The following TBC1D12 variants were observed in gnomAD, a reference collection of about 807,000 sequenced individuals.
TBC1D12 encodes TBC1 domain family member 12.
Under a neutral mutation model 86.7 loss-of-function variants are expected in TBC1D12, and 56 were observed. That is an observed-to-expected ratio of 0.65 (90% CI 0.52 to 0.81). TBC1D12 has a LOEUF of 0.81. TBC1D12 is among the 30% of genes least tolerant of loss of function. The probability of loss-of-function intolerance (pLI) is 0.00; values close to 1 mark genes in which losing one functional copy is unlikely to be tolerated. For synonymous variants in TBC1D12, 421 were observed against 411.7 expected (o/e 1.02, Z -0.27); for missense variants, 1,023 against 1,038.8 (o/e 0.98, Z 0.21).
At chr10:94,492,483 C>T (rs968517561) in intron 3 of TBC1D12, among the ~76,000 whole-genome samples, 16 of 152,264 alleles carry the variant, frequency 1.1e-4, no homozygotes, top group Non-Finnish European at 1.5e-4. Context: ...TTAATTTTTA[C>T]AGTAGTTTTA....
At chr10:94,483,407 T>C (rs889050974) in intron 3 of TBC1D12, among the ~76,000 whole-genome samples, 9 of 152,190 alleles carry the variant, frequency 5.9e-5, no homozygotes, top group Admixed American at 5.9e-4. Context: ...CTTTTCCCCA[T>C]GTCCTCTTCA....
rs753611606 is a variant in TBC1D12 at position 94,535,047 on chromosome 10, G to A, written c.*1951G>A. On this transcript the variant is annotated 3_prime_UTR_variant, in exon 13 of 13. Coordinates refer to ENST00000225235, the MANE Select transcript of TBC1D12 (RefSeq NM_015188.2). ...TCTGAACAGAGTGACCTGGCTTGATGTATTTCCTGAGCTCTAGTACCATAT... is the reference window on the plus strand; with the variant it reads ...TCTGAACAGAGTGACCTGGCTTGATATATTTCCTGAGCTCTAGTACCATAT... The A allele has an allele frequency of 2.6e-5, 4 of 152,170 alleles. No homozygotes were observed. Among genetic ancestry groups the A allele is most frequent in the Admixed American group, 6.5e-5 (1 of 15,278 alleles). 9.4% of individuals were successfully genotyped at this position (152,170 alleles called of 1,614,324 possible). A position where few individuals can be genotyped will look rare whatever the true frequency, so the allele number is the denominator to read the frequency against.
chr10:94,499,209 GTTCA>G (rs2056363048), intron 5 of TBC1D12, among the ~76,000 whole-genome samples: 1 of 152,112 alleles, frequency 6.6e-6, no homozygotes, highest in South Asian at 2.1e-4. Flanking sequence ...GAAACATACA[GTTCA>G]TTATTATTTA....
intron 2 of TBC1D12, among the ~76,000 whole-genome samples, chr10:94,458,402 AG>A (rs2055661357): frequency 6.6e-6 from 1 of 152,180 alleles, no homozygotes; most frequent in African/African-American, 2.4e-5. Flanking sequence ...TGTAACTGTA[AG>A]AAATAAATTC....
rs138064599 is a variant in TBC1D12, at chr10:94,437,428, C to T, written c.972-4468C>T. Among the ~76,000 whole-genome samples, 1,154 of 151,824 alleles carry T rather than the reference C, an allele frequency of 7.6e-3. 16 individuals carry two copies. The highest frequency in any genetic ancestry group is 0.027 in the African/African-American group (1,103 of 41,396). Reference sequence around the variant, plus strand: ...GCGAGCTCCGCCTCCTGGGTTCACACCATTCTTCTGCCTCAGCCCTCCGGA... The same window carrying T: ...GCGAGCTCCGCCTCCTGGGTTCACATCATTCTTCTGCCTCAGCCCTCCGGA... On this transcript the variant is annotated intron_variant, in intron 1 of 12. Transcript: ENST00000225235.
chr10:94,436,641 A>G (rs899111971), intron 1 of TBC1D12, among the ~76,000 whole-genome samples: 18 of 152,092 alleles, frequency 1.2e-4, no homozygotes, highest in African/African-American at 4.3e-4. Flanking sequence ...GTATCATTTC[A>G]TTCTCTCTAT....
chr10:94,447,074 A>AC (rs1463584114), intron 2 of TBC1D12, among the ~76,000 whole-genome samples: 1 of 151,742 alleles, frequency 6.6e-6, no homozygotes, highest in Non-Finnish European at 1.5e-5. Flanking sequence ...AAAAAAAAAA[A>AC]AACCTTTTTT....
intron 6 of TBC1D12, 70 bp from the exon 7 acceptor site, chr10:94,507,197 A>G: frequency 6.7e-7 from 1 of 1,495,832 alleles, no homozygotes; most frequent in Non-Finnish European, 9.2e-7. Context: ...GGTAAAGAGT[A>G]AAAATTAAAA....
Position 94,500,241 on chromosome 10 carries a change from G to A in TBC1D12, c.1433G>A (p.Arg478Gln). Residue 478 changes from arginine to glutamine, a missense_variant, in exon 6 of 13, where the codon CGA becomes CAA. By Grantham distance (43) the Arg-to-Gln change is conservative (BLOSUM62 1). Coordinates refer to ENST00000225235, the MANE Select transcript of TBC1D12 (RefSeq NM_015188.2). ...WEVMRSTRRV[R>Q]ELWWQGLPPS... ...TCTAGGCGTAGTACAAGAAGAGTTC[G>A]AGAATTGTGGTGGCAGGGATTGCCC... 6.2e-7 allele frequency: 1 copy of A among 1,613,810 alleles called. No individual in the cohort carries two copies. Among genetic ancestry groups the A allele is most frequent in the Non-Finnish European group, 8.5e-7 (1 of 1,179,896 alleles).
chr10:94,505,817 C>A lies in TBC1D12; in HGVS notation c.1520-1450C>A, dbSNP rs78041317. ...TTGTTTAAAAGAAACAAAAGCAAAT[C>A]TATATCTACTAACGTGGAACAACCT... On this transcript the variant is annotated intron_variant, in intron 6 of 12. Transcript: ENST00000225235. Among the ~76,000 whole-genome samples, 679 of 152,178 alleles carry A rather than the reference C, an allele frequency of 4.5e-3. 6 individuals are homozygous for A. The highest frequency in any genetic ancestry group is 0.015 in the African/African-American group (631 of 41,538).
At chr10:94,483,732 G>GTT (rs541439325) in intron 3 of TBC1D12, among the ~76,000 whole-genome samples, 1 of 149,932 alleles carries the variant, frequency 6.7e-6, no homozygotes, top group Non-Finnish European at 1.5e-5. Context: ...TTTTGTTTTT[G>GTT]TTTTTTTTTG....
chr10:94,519,882 C>A (rs1050671483), intron 9 of TBC1D12, among the ~76,000 whole-genome samples: 1 of 152,128 alleles, frequency 6.6e-6, no homozygotes, highest in African/African-American at 2.4e-5. Flanking sequence ...ATCTCAAGAT[C>A]CTTGACTTAA....
At chr10:94,493,508 A>G (rs1313709176) in intron 4 of TBC1D12, 61 bp downstream of exon 4, 2 of 1,180,770 alleles carry the variant, frequency 1.7e-6, no homozygotes, top group African/African-American at 3.1e-5. Flanking sequence ...TGGATGGTAA[A>G]ATTCATCAAG....
chr10:94,454,642 C>T (rs1589627120), intron 2 of TBC1D12, among the ~76,000 whole-genome samples: 2 of 152,170 alleles, frequency 1.3e-5, no homozygotes, highest in South Asian at 4.1e-4. Flanking sequence ...CTAAGTATTT[C>T]ATTTTTATGG....
intron 9 of TBC1D12, among the ~76,000 whole-genome samples, chr10:94,518,539 A>C (rs893744094): frequency 6.6e-6 from 1 of 152,178 alleles, no homozygotes; most frequent in Non-Finnish European, 1.5e-5. Flanking sequence ...AACGACCCTC[A>C]ACTTGAATTT....
At chr10:94,438,045 A>G (rs2055330396) in intron 1 of TBC1D12, among the ~76,000 whole-genome samples, 1 of 80,490 alleles carries the variant, frequency 1.2e-5, no homozygotes, top group African/African-American at 5.3e-5. Flanking sequence ...GTCTTTGACT[A>G]GTAATTACTT....
chr10:94,523,378 T>C (rs780683053), intron 11 of TBC1D12, among the ~76,000 whole-genome samples: 1 of 151,958 alleles, frequency 6.6e-6, no homozygotes, highest in Admixed American at 6.6e-5. Flanking sequence ...TCAGAGTTAG[T>C]TGCTATTTAT....
intron 1 of TBC1D12, among the ~76,000 whole-genome samples, chr10:94,411,524 C>T (rs1008029133): frequency 6.6e-6 from 1 of 152,006 alleles, no homozygotes; most frequent in Non-Finnish European, 1.5e-5. Context: ...GGAGTTCCAG[C>T]CTGGGCAGCA....
chr10:94,491,527 C>A (rs2056245112), intron 3 of TBC1D12, among the ~76,000 whole-genome samples: 1 of 152,168 alleles, frequency 6.6e-6, no homozygotes, highest in Admixed American at 6.5e-5. Flanking sequence ...CCCTTATTGG[C>A]GGTTTTGCTT....
Sources: allele counts gnomAD v4.1 joint callset (sites outside exome capture counted in the v4.1 genomes callset), GRCh38; gene constraint gnomAD v4.1.1; transcripts MANE v1.5; gene names NCBI Gene and HGNC (gene_info 2026-07-23, HGNC 2026-07-21).